Variants in PLSCR5 observed in about 807,000 individuals in gnomAD.
PLSCR5 encodes the protein phospholipid scramblase family member 5.
A neutral mutation model predicts 33.6 loss-of-function variants in PLSCR5; 44 were observed. The observed-to-expected ratio is 1.31, with a 90% confidence interval of 1.03 to 1.69. PLSCR5 has a LOEUF of 1.69. Ranked by LOEUF, PLSCR5 falls within the 40% of genes most tolerant of loss-of-function variation. The probability of loss-of-function intolerance (pLI) is 0.00; values close to 1 mark genes in which losing one functional copy is unlikely to be tolerated. For synonymous variants in PLSCR5, 148 were observed against 112.3 expected (o/e 1.32, Z -2.01); for missense variants, 375 against 318.7 (o/e 1.18, Z -1.34).
At chr3:146,595,253 A>AT (rs113778415) in intron 2 of PLSCR5, among the ~76,000 whole-genome samples, 170 bp from the exon 3 acceptor site, 8,118 of 151,056 alleles carry the variant, frequency 0.054, 692 homozygotes, top group African/African-American at 0.18. Flanking sequence ...AAAGAACGTA[A>AT]TTTTTTTTTT....
chr3:146,585,985 C>T (rs1256573236), intron 7 of PLSCR5, 43 bp from the exon 8 acceptor site: 5 of 1,296,848 alleles, frequency 3.9e-6, no homozygotes, highest in East Asian at 3.1e-5. Context: ...CAAATATAGA[C>T]ATCTTCAAAG....
At chr3:146,578,144 A>G (rs1434390303) in intron 7 of PLSCR5, among the ~76,000 whole-genome samples, 1 of 152,080 alleles carries the variant, frequency 6.6e-6, no homozygotes, top group African/African-American at 2.4e-5. Context: ...GTAGACCGAA[A>G]CTGCTTTTAT....
intron 4 of PLSCR5, 24 bp from the exon 5 acceptor site, chr3:146,591,905 A>G: frequency 6.5e-7 from 1 of 1,540,024 alleles, no homozygotes; most frequent in Non-Finnish European, 8.8e-7. Context: ...TAATGATAAA[A>G]TAAGATTTTC....
chr3:146,586,085 C>T lies in PLSCR5; in HGVS notation c.805G>A (p.Ala269Thr), dbSNP rs1047083502. ...FDFMFFEHSLAGL is the reference protein window; with the variant it reads ...FDFMFFEHSLTGL ...CATTATCTTGGTTATTATAATCCAG[C>T]CAGTGAATGTTCAAAGAACATAAAA... The change falls in exon 7 of 8, where the codon GCT becomes ACT. Residue 269 changes from alanine (A) to threonine (T), a missense_variant. Physicochemically the swap from Ala to Thr is moderately conservative, Grantham distance 58. Transcript: ENST00000443512. 5.4e-6 allele frequency: 8 copies of T among 1,481,296 alleles called. No homozygotes were observed. The African/African-American group carries it at 1.0e-4, about 19-fold the overall frequency. The allele number at this position is 1,481,296 out of a possible 1,614,324, so 91.8% of individuals were successfully genotyped here.
rs372370688 is a variant in PLSCR5, at chr3:146,591,838, G to A, written c.497C>T (p.Thr166Met). The change falls in exon 5 of 8, where the codon ACG becomes ATG. Residue 166 changes from threonine to methionine, a missense_variant. Thr to Met is a moderately conservative substitution (Grantham distance 81, BLOSUM62 -1). Coordinates refer to ENST00000443512, the MANE Select transcript of PLSCR5 (RefSeq NM_001085420.2). ...AGGCAGAAAGGGGTCCCACTTCTGC[G>A]TAACGTAACCAACTATAGTACCAGG... is the stretch of plus-strand genomic sequence containing the variant. Reference protein sequence around the residue: ...APPGTIVGYVTQKWDPFLPKF... With the variant: ...APPGTIVGYVMQKWDPFLPKF... The A allele has an allele frequency of 2.4e-5, 39 of 1,611,594 alleles. No individual in the cohort carries two copies. Among genetic ancestry groups the A allele is most frequent in the African/African-American group, 4.0e-5 (3 of 74,826 alleles).
chr3:146,591,003 T>G (rs1430318961), intron 5 of PLSCR5, among the ~76,000 whole-genome samples: 3 of 150,002 alleles, frequency 2.0e-5, no homozygotes, highest in Non-Finnish European at 4.5e-5. Context: ...TTTTGTTTTT[T>G]TTTTTTGTTT....
At chr3:146,586,834 T>C (rs1222070319) in intron 6 of PLSCR5, among the ~76,000 whole-genome samples, 1 of 152,144 alleles carries the variant, frequency 6.6e-6, no homozygotes, top group African/African-American at 2.4e-5. Flanking sequence ...GAAACAGCAA[T>C]TAAAAATTAA....
chr3:146,595,275 G>T (rs571072389), intron 2 of PLSCR5, among the ~76,000 whole-genome samples, 192 bp from the exon 3 acceptor site: 2 of 151,864 alleles, frequency 1.3e-5, no homozygotes, highest in Non-Finnish European at 2.9e-5. Flanking sequence ...ATTTAAAGAA[G>T]AATTTAGAAG....
At chr3:146,589,597 T>C (rs1003645465) in intron 6 of PLSCR5, 56 bp downstream of exon 6, 3 of 1,401,142 alleles carry the variant, frequency 2.1e-6, no homozygotes, top group Non-Finnish European at 2.9e-6. Context: ...TATATTGTAA[T>C]TAACAAGCAA....
intron 6 of PLSCR5, among the ~76,000 whole-genome samples, chr3:146,589,281 T>C (rs1042790228): frequency 6.6e-6 from 1 of 152,186 alleles, no homozygotes; most frequent in African/African-American, 2.4e-5. Context: ...AATGAACCAG[T>C]CTGGAACTTT....
rs144569394 is a variant in PLSCR5 at position 146,591,660 on chromosome 3, T to C, written c.615+60A>G. ...TTAATTTGAACATAAAAAAATTGAA[T>C]TATGTTGCAAAAAAAAATCAGGACC... On this transcript the variant is annotated intron_variant, in intron 5 of 7. Coordinates refer to ENST00000443512, the MANE Select transcript of PLSCR5 (RefSeq NM_001085420.2). 1,414 of 1,493,442 alleles carry C rather than the reference T, an allele frequency of 9.5e-4. 11 individuals carry two copies. The East Asian group carries it at 0.025, about 26-fold the overall frequency. 92.5% of individuals were successfully genotyped at this position (1,493,442 alleles called of 1,614,324 possible). A position where few individuals can be genotyped will look rare whatever the true frequency, so the allele number is the denominator to read the frequency against.
chr3:146,603,394 A>G (rs2044836475), intron 1 of PLSCR5, among the ~76,000 whole-genome samples: 1 of 152,132 alleles, frequency 6.6e-6, no homozygotes, highest in South Asian at 2.1e-4. Context: ...TATCACTTAT[A>G]TTCTCCTAGG....
chr3:146,579,324 T>C (rs343291), intron 7 of PLSCR5, among the ~76,000 whole-genome samples: 60,442 of 152,028 alleles, frequency 0.4, 12,164 homozygotes, highest in East Asian at 0.57. Context: ...TTTCCCCTTA[T>C]TTTAGCAATT....
chr3:146,584,408 TA>T (rs1033349544), downstream of PLSCR5, among the ~76,000 whole-genome samples: 1 of 152,190 alleles, frequency 6.6e-6, no homozygotes, highest in African/African-American at 2.4e-5. Flanking sequence ...GTCTATTGCA[TA>T]AAAGGTTTTT....
chr3:146,595,991 A>G (rs926740589), intron 2 of PLSCR5, among the ~76,000 whole-genome samples: 2 of 152,206 alleles, frequency 1.3e-5, no homozygotes, highest in African/African-American at 4.8e-5. Context: ...CAAAATACCA[A>G]TTTAAGTCAA....
chr3:146,588,511 A>G (rs1367295213), intron 6 of PLSCR5, among the ~76,000 whole-genome samples: 8 of 151,990 alleles, frequency 5.3e-5, no homozygotes, highest in Non-Finnish European at 4.4e-5. Flanking sequence ...AAAAATGCCA[A>G]TGTCATGAGA....
chr3:146,599,364 G>T (rs1437293924), intron 2 of PLSCR5, among the ~76,000 whole-genome samples: 1 of 152,062 alleles, frequency 6.6e-6, no homozygotes, highest in Non-Finnish European at 1.5e-5. Flanking sequence ...TCCTCCTTTT[G>T]AGATTCAGTT....
chr3:146,577,443 T>C (rs1414763725), intron 7 of PLSCR5, among the ~76,000 whole-genome samples: 2 of 152,146 alleles, frequency 1.3e-5, no homozygotes, highest in Admixed American at 6.6e-5. Context: ...TAAATAATTT[T>C]AGATTTTGTG....
intron 2 of PLSCR5, among the ~76,000 whole-genome samples, chr3:146,596,962 T>G (rs551416078): frequency 7.2e-5 from 11 of 152,258 alleles, no homozygotes; most frequent in Admixed American, 7.2e-4. Context: ...TCTTTAGTAG[T>G]GTACTGCATT....
Sources: gnomAD v4.1 joint callset for allele counts (sites outside exome capture counted in the v4.1 genomes callset) on GRCh38, gnomAD v4.1.1 for gene constraint, MANE v1.5 for transcripts, NCBI Gene and HGNC (gene_info 2026-07-23, HGNC 2026-07-21) for gene names.